AUTS2: variants seen among roughly 807,000 people sequenced by gnomAD.
AUTS2 encodes the protein activator of transcription and developmental regulator AUTS2, also known as autism susceptibility gene 2 protein.
AUTS2 carries 17 observed loss-of-function variants against 112.4 expected under a neutral mutation model. The observed-to-expected ratio is 0.15, with a 90% CI of 0.10 to 0.23. The LOEUF is 0.23. Among genes scored for constraint, AUTS2 ranks in the 10% least tolerant of loss-of-function variants. The probability of loss-of-function intolerance (pLI) is 1.00; values close to 1 mark genes in which losing one functional copy is unlikely to be tolerated. For synonymous variants in AUTS2, 751 were observed against 702.7 expected, an observed-to-expected ratio of 1.07 and a Z score of -1.09; for missense variants, 1,510 against 1,701.6, an observed-to-expected ratio of 0.89 and a Z score of 1.98.
At chr7:69,758,119 C>T (rs1221891862) in intron 1 of AUTS2, among the ~76,000 whole-genome samples, 1 of 152,194 alleles carries the variant, frequency 6.6e-6, no homozygotes, top group Non-Finnish European at 1.5e-5. Context: ...TTAATTAGTT[C>T]TGCTGTAATC....
intron 4 of AUTS2, among the ~76,000 whole-genome samples, chr7:70,434,556 C>T (rs937654032): frequency 1.3e-5 from 2 of 152,198 alleles, no homozygotes; most frequent in African/African-American, 4.8e-5. Context: ...ATTGCTGTGC[C>T]ATCTGCTTCT....
At chr7:69,620,766 A>G (rs543539554) in intron 1 of AUTS2, among the ~76,000 whole-genome samples, 5 of 152,200 alleles carry the variant, frequency 3.3e-5, no homozygotes, top group Non-Finnish European at 7.3e-5. Flanking sequence ...AGTTTTTGTT[A>G]ATATTCAAAG....
intron 2 of AUTS2, among the ~76,000 whole-genome samples, chr7:69,964,882 A>G (rs998186963): frequency 6.6e-6 from 1 of 151,898 alleles, no homozygotes; most frequent in Non-Finnish European, 1.5e-5. Flanking sequence ...CTTTTTGCAG[A>G]CCATGAGCTC....
chr7:70,657,072 G>A (rs1018460925), intron 5 of AUTS2, among the ~76,000 whole-genome samples: 4 of 152,118 alleles, frequency 2.6e-5, no homozygotes, highest in Non-Finnish European at 5.9e-5. Context: ...ATGGCATTTT[G>A]ATGCCATTTT....
chr7:70,424,675 C>A (rs994805905), intron 4 of AUTS2, among the ~76,000 whole-genome samples: 9 of 152,264 alleles, frequency 5.9e-5, no homozygotes, highest in Middle Eastern at 3.4e-3. Context: ...CAGCCTTGAC[C>A]TTCCGGGCTC....
At chr7:69,665,249 T>G (rs1486390525) in intron 1 of AUTS2, among the ~76,000 whole-genome samples, 2 of 152,168 alleles carry the variant, frequency 1.3e-5, no homozygotes, top group Non-Finnish European at 2.9e-5. Context: ...TCTGTGGATT[T>G]GGGTCATGGT....
At chr7:69,995,227 C>T (rs146474248) in intron 2 of AUTS2, among the ~76,000 whole-genome samples, 1 of 152,234 alleles carries the variant, frequency 6.6e-6, no homozygotes, top group African/African-American at 2.4e-5. Context: ...TATATATCCT[C>T]GTTCTTGTTA....
intron 4 of AUTS2, among the ~76,000 whole-genome samples, chr7:70,304,843 A>G (rs150366083): frequency 6.6e-6 from 1 of 151,670 alleles, no homozygotes; most frequent in African/African-American, 2.4e-5. Flanking sequence ...TAATACCCAA[A>G]GGCTCTATTT....
chr7:70,514,109 A>G (rs1249965526), intron 5 of AUTS2, among the ~76,000 whole-genome samples: 2 of 152,194 alleles, frequency 1.3e-5, no homozygotes, highest in Non-Finnish European at 2.9e-5. Flanking sequence ...GTTTATCTAT[A>G]TGAGATAGAG....
rs985002168 is a variant in AUTS2 at position 70,239,790 on chromosome 7, C to G, written c.660+105219C>G. Among the ~76,000 whole-genome samples the G allele has an allele frequency of 8.5e-5, 13 of 152,254 alleles. No homozygotes were observed. The East Asian group carries it at 2.5e-3, about 29-fold the overall frequency. ...AAGGTTCATTCCATGAATCATACCACTTGGAATTCTTGAAAAATTAATTGC... is the reference window on the plus strand; with the variant it reads ...AAGGTTCATTCCATGAATCATACCAGTTGGAATTCTTGAAAAATTAATTGC... On this transcript the variant is annotated intron_variant, in intron 4 of 18. Coordinates refer to ENST00000342771, the MANE Select transcript of AUTS2 (RefSeq NM_015570.4).
chr7:69,675,043 T>C (rs994578390), intron 1 of AUTS2, among the ~76,000 whole-genome samples: 3 of 152,144 alleles, frequency 2.0e-5, no homozygotes, highest in Non-Finnish European at 4.4e-5. Context: ...TTAAAAGAGG[T>C]GAAACTGGTC....
intron 4 of AUTS2, among the ~76,000 whole-genome samples, chr7:70,365,975 T>C: frequency 6.6e-6 from 1 of 152,216 alleles, no homozygotes; most frequent in East Asian, 1.9e-4. Flanking sequence ...TTAGGAGACA[T>C]CTTTTGGGTA....
At chr7:70,413,541 C>T (rs1390259671) in intron 4 of AUTS2, among the ~76,000 whole-genome samples, 1 of 152,142 alleles carries the variant, frequency 6.6e-6, no homozygotes. Flanking sequence ...AGTTAATATC[C>T]CTGGGGGGTT....
chr7:70,646,757 G>A (rs940685032), intron 5 of AUTS2, among the ~76,000 whole-genome samples: 22 of 152,362 alleles, frequency 1.4e-4, no homozygotes, highest in African/African-American at 4.1e-4. Context: ...CATGCAAGGC[G>A]GCTGCTCAAG....
At chr7:70,373,151 AG>A (rs1041657438) in intron 4 of AUTS2, among the ~76,000 whole-genome samples, 7 of 150,788 alleles carry the variant, frequency 4.6e-5, no homozygotes, top group Non-Finnish European at 1.0e-4. Flanking sequence ...GTGAGAAACC[AG>A]GGGGGAGTGG....
In AUTS2 at chr7:70,121,237, T is replaced by C. The variant is rs945168036; in HGVS notation, c.624+3004T>C. ...GACCAAAATATAAATGTGAACACCA[T>C]AAAACTCTTAGAAGAAAATATACAG... On this transcript the variant is annotated intron_variant, in intron 3 of 18. Coordinates refer to ENST00000342771, the MANE Select transcript of AUTS2 (RefSeq NM_015570.4). Among the ~76,000 whole-genome samples the C allele has an allele frequency of 2.0e-5, 3 of 152,140 alleles. No homozygotes were observed. In the East Asian group the frequency reaches 5.8e-4, roughly 29 times the overall value.
intron 2 of AUTS2, among the ~76,000 whole-genome samples, chr7:69,979,853 G>GT (rs761994639): frequency 6.6e-6 from 1 of 152,168 alleles, no homozygotes; most frequent in Non-Finnish European, 1.5e-5. Context: ...TATTCGCCTT[G>GT]TTTTTTAAAT....
intron 2 of AUTS2, among the ~76,000 whole-genome samples, chr7:69,950,740 T>C (rs1796992819): frequency 6.6e-6 from 1 of 151,668 alleles, no homozygotes; most frequent in African/African-American, 2.4e-5. Flanking sequence ...TTTCTAGGAG[T>C]GTGAATAAAG....
chr7:69,599,900 G>A lies in AUTS2; in HGVS notation c.247G>A (p.Ala83Thr). ...PRRKRRESTSAEEDIIDGFAM... is the reference protein window; with the variant it reads ...PRRKRRESTSTEEDIIDGFAM... ...GAGGAAGCGGAGAGAGTCCACCTCG[G>A]CAGAAGAGGACATCATTGATGGATT... The change falls in exon 1 of 19, where the codon GCA (alanine) becomes ACA (threonine). Residue 83 changes from alanine (A) to threonine (T), a missense_variant. Ala to Thr is a moderately conservative substitution (Grantham distance 58). Around this residue, in one of 3 missense-constraint regions of AUTS2, gnomAD observed 535 missense variants for 594.3 expected, o/e 0.90. Transcript: ENST00000342771. The surrounding 1 kb of genome is among the most constrained non-coding windows in gnomAD (Gnocchi z 7.0). The A allele has an allele frequency of 6.2e-7, 1 of 1,613,640 alleles. No individual in the cohort carries two copies. Among genetic ancestry groups the A allele is most frequent in the Non-Finnish European group, 8.5e-7 (1 of 1,179,992 alleles).
Sources: allele counts gnomAD v4.1 joint callset (sites outside exome capture counted in the v4.1 genomes callset), GRCh38; gene constraint gnomAD v4.1.1; regional missense constraint gnomAD v4.1.1; non-coding constraint Gnocchi (gnomAD v3.1); transcripts MANE v1.5; gene names NCBI Gene and HGNC (gene_info 2026-07-23, HGNC 2026-07-21).